MED12L: variants seen among roughly 807,000 people sequenced by gnomAD.
MED12L encodes the protein mediator of RNA polymerase II transcription subunit 12-like protein.
In MED12L, 60 loss-of-function variants were observed where a neutral mutation model predicts 281.3. That is an observed-to-expected ratio of 0.21 (90% CI 0.17 to 0.26). The LOEUF (loss-of-function observed/expected upper bound fraction) is 0.26, where lower values mean the gene tolerates loss of function less well. Among genes scored for constraint, MED12L ranks in the 10% least tolerant of loss-of-function variants. The pLI, the probability that MED12L is intolerant of heterozygous loss-of-function variation, is 1.00. For missense variants in MED12L, 2,146 were observed against 2,680.9 expected, an observed-to-expected ratio of 0.80 and a Z score of 4.41; for synonymous variants, 974 against 987.2, an observed-to-expected ratio of 0.99 and a Z score of 0.25.
intron 25 of MED12L, among the ~76,000 whole-genome samples, chr3:151,368,732 T>G (rs182840241): frequency 0.013 from 1,256 of 96,642 alleles, 77 homozygotes; most frequent in East Asian, 0.099. Context: ...TTCATTTCAT[T>G]TCATTTCATT....
chr3:151,376,080 G>T lies in MED12L; in HGVS notation c.3919G>T (p.Glu1307Ter). 6.2e-7 allele frequency: 1 copy of T among 1,610,786 alleles called. No homozygotes were observed. Among genetic ancestry groups the T allele is most frequent in the Non-Finnish European group, 8.5e-7 (1 of 1,178,900 alleles). The part of the protein sequence containing the change: ...KEPERLCTDK[E>*]LILDPVLSNM... ...ACCTGAAAGATTATGTACAGACAAA[G>T]AACTTATATTGGACCCTGTGCTTTC... The change falls in exon 28 of 45, where the codon GAA (glutamate) becomes TAA (stop). Residue 1307 changes from glutamate to a stop codon, truncating the protein, a stop_gained. Coordinates refer to ENST00000687756, the MANE Select transcript of MED12L (RefSeq NM_001393769.1). LOFTEE classifies it high-confidence loss of function.
chr3:151,211,525 A>G (rs1727163290), intron 16 of MED12L, among the ~76,000 whole-genome samples: 2 of 152,174 alleles, frequency 1.3e-5, no homozygotes, highest in Admixed American at 1.3e-4. Flanking sequence ...AGAATTGGGA[A>G]CTATTAGAAC....
At chr3:151,223,023 G>A (rs1729699228) in intron 16 of MED12L, among the ~76,000 whole-genome samples, 1 of 151,972 alleles carries the variant, frequency 6.6e-6, no homozygotes, top group Non-Finnish European at 1.5e-5. Flanking sequence ...TACTTAGAAT[G>A]TTCCTAAAAA....
Position 151,291,656 on chromosome 3 carries a change from G to A in MED12L, c.2251-58403G>A, listed in dbSNP as rs144333128. ...ATTCCCAAAAGCCAGTTTTGAAAAA[G>A]CAATCAAATGTAATTATTTTATTCA... On this transcript the variant is annotated intron_variant, in intron 16 of 44. Coordinates refer to ENST00000687756, the MANE Select transcript of MED12L (RefSeq NM_001393769.1). Among the ~76,000 whole-genome samples, 769 of 152,198 alleles carry A rather than the reference G, an allele frequency of 5.1e-3. 12 individuals carry two copies. The highest frequency in any genetic ancestry group is 0.017 in the African/African-American group (716 of 41,536).
chr3:151,277,767 T>C (rs1028050467), intron 16 of MED12L, among the ~76,000 whole-genome samples: 4 of 152,240 alleles, frequency 2.6e-5, no homozygotes, highest in African/African-American at 9.6e-5. Context: ...AGGCATTTTA[T>C]TTTAGTAGGT....
intron 16 of MED12L, among the ~76,000 whole-genome samples, chr3:151,234,716 C>T (rs926383089): frequency 7.9e-5 from 12 of 152,210 alleles, no homozygotes; most frequent in African/African-American, 2.9e-4. Context: ...AATATCCAAC[C>T]TGTATGTTCT....
intron 16 of MED12L, among the ~76,000 whole-genome samples, chr3:151,245,846 G>A (rs1316093086): frequency 1.5e-5 from 2 of 136,408 alleles, no homozygotes; most frequent in Non-Finnish European, 3.2e-5. Flanking sequence ...GTTTGCAGAC[G>A]ACATGATTGT....
At chr3:151,403,085 G>T (rs1219462531) in intron 39 of MED12L, among the ~76,000 whole-genome samples, 3 of 151,236 alleles carry the variant, frequency 2.0e-5, no homozygotes, top group African/African-American at 7.3e-5. Context: ...TGAGAAGCAG[G>T]TTTTTCTGTA....
chr3:151,157,454 C>T lies in MED12L; in HGVS notation c.726+1124C>T, dbSNP rs375273953. Among the ~76,000 whole-genome samples the T allele has an allele frequency of 4.6e-5, 7 of 152,060 alleles. No homozygotes were observed. In the East Asian group the frequency reaches 7.7e-4, roughly 17 times the overall value. ...ATGGACTGTTATTTATGAAGATTCT[C>T]TTTGTTTTTTTGAATCTTGAATTTA... On this transcript the variant is annotated intron_variant, in intron 6 of 44. Transcript: ENST00000687756.
At chr3:151,350,352 T>A in intron 17 of MED12L, 146 bp downstream of exon 17, 1 of 608,452 alleles carries the variant, frequency 1.6e-6, no homozygotes, top group Non-Finnish European at 2.5e-6. Flanking sequence ...ACAAGCACAT[T>A]TAAATTTTAA....
chr3:151,315,451 C>T (rs913407415), intron 16 of MED12L, among the ~76,000 whole-genome samples: 2 of 152,130 alleles, frequency 1.3e-5, no homozygotes, highest in East Asian at 1.9e-4. Flanking sequence ...GATTTTCTGG[C>T]GGGATACTTT....
At chr3:151,394,365 T>C (rs1351727732) in intron 38 of MED12L, among the ~76,000 whole-genome samples, 2 of 152,220 alleles carry the variant, frequency 1.3e-5, no homozygotes, top group East Asian at 1.9e-4. Flanking sequence ...TTAAAACCCA[T>C]GTAATTATGA....
At chr3:151,198,342 G>GTTTTTTTTTTTTTTTTTTTTTT in intron 16 of MED12L, 1 of 693,216 alleles carries the variant, frequency 1.4e-6, no homozygotes, top group Non-Finnish European at 2.1e-6. Context: ...GTTTTTTTTT[G>GTTTTTTTTTTTTTTTTTTTTTT]TTTTTTTTTT....
At chr3:151,175,228 T>C (rs1294549176) in intron 11 of MED12L, among the ~76,000 whole-genome samples, 1 of 152,210 alleles carries the variant, frequency 6.6e-6, no homozygotes, top group African/African-American at 2.4e-5. Context: ...GACTTGCTAA[T>C]ATAACTACAC....
chr3:151,299,730 A>G (rs561188300), intron 16 of MED12L, among the ~76,000 whole-genome samples: 114 of 152,148 alleles, frequency 7.5e-4, no homozygotes, highest in Middle Eastern at 6.8e-3. Flanking sequence ...GGGGAACCTC[A>G]TGAACCTTGG....
At chr3:151,367,849 G>A in intron 24 of MED12L, 83 bp downstream of exon 24, 1 of 1,458,718 alleles carries the variant, frequency 6.9e-7, no homozygotes. Context: ...ACAGGGAAAG[G>A]AGTATTTGAG....
chr3:151,156,594 T>A (rs559322587), intron 6 of MED12L, among the ~76,000 whole-genome samples: 20 of 152,248 alleles, frequency 1.3e-4, no homozygotes, highest in Non-Finnish European at 2.5e-4. Context: ...CACTATTAAA[T>A]GTAATCCTTC....
intron 11 of MED12L, among the ~76,000 whole-genome samples, chr3:151,178,389 A>C (rs1467516851): frequency 7.1e-6 from 1 of 140,150 alleles, no homozygotes; most frequent in Non-Finnish European, 1.5e-5. Flanking sequence ...TGCATGTTAC[A>C]TAGGAGTAAA....
Position 151,416,430 on chromosome 3 carries a change from CT to C in MED12L, c.6408+9del, listed in dbSNP as rs1027372746. On this transcript the variant is annotated intron_variant, in intron 43 of 44. Transcript: ENST00000687756. ...CAGCCCCAGCAGCCCTTGGTAAGGC[CT>C]GTTGTTTTGGAATCAGACATGTGGG... 6.8e-6 allele frequency: 11 copies of C among 1,613,096 alleles called. 1 individual carries two copies. The African/African-American group carries it at 1.2e-4, about 18-fold the overall frequency.
Sources: allele counts gnomAD v4.1 joint callset (sites outside exome capture counted in the v4.1 genomes callset), GRCh38; gene constraint gnomAD v4.1.1; transcripts MANE v1.5; gene names NCBI Gene and HGNC (gene_info 2026-07-23, HGNC 2026-07-21).